The following DACH1 variants were observed in gnomAD, a reference collection of about 807,000 sequenced individuals.
The protein encoded by DACH1 is dachshund family transcription factor 1, also known as dachshund homolog 1.
DACH1 carries 12 observed loss-of-function variants against 54.2 expected under a neutral mutation model. The observed-to-expected ratio is 0.22, with a 90% CI of 0.14 to 0.36. The LOEUF (loss-of-function observed/expected upper bound fraction) is 0.36, where lower values mean the gene tolerates loss of function less well. Ranked by LOEUF, DACH1 falls within the 10% of genes least tolerant of loss-of-function variation. The probability of loss-of-function intolerance (pLI) is 1.00; values close to 1 mark genes in which losing one functional copy is unlikely to be tolerated. For missense variants in DACH1, 805 were observed against 929.8 expected, an observed-to-expected ratio of 0.87 and a Z score of 1.75; for synonymous variants, 386 against 366.2, an observed-to-expected ratio of 1.05 and a Z score of -0.62.
intron 1 of DACH1, among the ~76,000 whole-genome samples, chr13:71,787,613 A>AT (rs1442369354): frequency 6.6e-6 from 1 of 152,150 alleles, no homozygotes; most frequent in Admixed American, 6.6e-5. Context: ...GTAATCAGTC[A>AT]TAAAAACAGC....
At chr13:71,677,838 G>A (rs138589448) in intron 2 of DACH1, among the ~76,000 whole-genome samples, 2 of 152,138 alleles carry the variant, frequency 1.3e-5, no homozygotes, top group Non-Finnish European at 2.9e-5. Flanking sequence ...TCCTGCCTCA[G>A]CATCCCAAAT....
chr13:71,816,581 CGTATATATATACACACATATGT>C (rs1566519190), intron 1 of DACH1, among the ~76,000 whole-genome samples: 14 of 122,744 alleles, frequency 1.1e-4, no homozygotes, highest in South Asian at 2.7e-4. Context: ...TATATATACA[CGTATATATATACACACATATGT>C]GTGTATATAT....
At chr13:71,501,947 T>G (rs1879952484) in intron 6 of DACH1, among the ~76,000 whole-genome samples, 1 of 152,128 alleles carries the variant, frequency 6.6e-6, no homozygotes, top group East Asian at 1.9e-4. Context: ...AACTTGCCAA[T>G]GTAACTCAAC....
chr13:71,472,371 C>T (rs1453200611), intron 10 of DACH1, among the ~76,000 whole-genome samples: 1 of 152,106 alleles, frequency 6.6e-6, no homozygotes, highest in Non-Finnish European at 1.5e-5. Context: ...ATACAAAATG[C>T]CAATGAGGCA....
chr13:71,816,686 A>G (rs1887968767), intron 1 of DACH1, among the ~76,000 whole-genome samples: 1 of 144,108 alleles, frequency 6.9e-6, no homozygotes. Flanking sequence ...ACATATATAT[A>G]TACACATATA....
chr13:71,706,202 T>G (rs1263387693), intron 1 of DACH1, among the ~76,000 whole-genome samples: 1 of 151,864 alleles, frequency 6.6e-6, no homozygotes, highest in Non-Finnish European at 1.5e-5. Context: ...ACAACTTCCT[T>G]GATTTTCTAT....
At chr13:71,565,490 C>T (rs1453395598) in intron 4 of DACH1, among the ~76,000 whole-genome samples, 1 of 152,030 alleles carries the variant, frequency 6.6e-6, no homozygotes, top group African/African-American at 2.4e-5. Context: ...GTTCAAATTC[C>T]TTTGCTTTGG....
At chr13:71,648,577 A>C (rs1193803799) in intron 2 of DACH1, among the ~76,000 whole-genome samples, 2 of 152,210 alleles carry the variant, frequency 1.3e-5, no homozygotes, top group Non-Finnish European at 2.9e-5. Flanking sequence ...AATAGCAGGC[A>C]TATGGTATAG....
intron 1 of DACH1, among the ~76,000 whole-genome samples, chr13:71,858,909 C>A (rs1874177138): frequency 6.6e-6 from 1 of 151,664 alleles, no homozygotes. Flanking sequence ...CTCTCTCTCT[C>A]TCTCTCTGTA....
At chr13:71,581,561 T>A (rs1872855167) in intron 3 of DACH1, among the ~76,000 whole-genome samples, 1 of 152,196 alleles carries the variant, frequency 6.6e-6, no homozygotes, top group South Asian at 2.1e-4. Flanking sequence ...GCCCTAATTA[T>A]TATTCTTAAC....
At chr13:71,500,953 T>A (rs1566299970) in intron 6 of DACH1, among the ~76,000 whole-genome samples, 1 of 151,714 alleles carries the variant, frequency 6.6e-6, no homozygotes, top group Non-Finnish European at 1.5e-5. Context: ...CCCCTTTATC[T>A]TAACTTAAGC....
At chr13:71,782,884 C>G (rs938707575) in intron 1 of DACH1, among the ~76,000 whole-genome samples, 8 of 152,050 alleles carry the variant, frequency 5.3e-5, no homozygotes, top group Non-Finnish European at 1.2e-4. Context: ...ATTATTTTAT[C>G]TAATTTCTTC....
intron 6 of DACH1, among the ~76,000 whole-genome samples, chr13:71,545,579 G>C (rs1166843275): frequency 6.6e-6 from 1 of 151,194 alleles, no homozygotes; most frequent in African/African-American, 2.4e-5. Flanking sequence ...AGGAAGGAAG[G>C]AAGGGAGGGA....
chr13:71,677,870 C>T (rs1344090353), intron 2 of DACH1, among the ~76,000 whole-genome samples: 1 of 152,092 alleles, frequency 6.6e-6, no homozygotes, highest in Non-Finnish European at 1.5e-5. Flanking sequence ...CAGGCGCCCA[C>T]CACCATGTCC....
At position 71,498,853 on chromosome 13, in the gene DACH1, CTT is replaced by C. The variant is rs534862746; in HGVS notation, c.1571-9707_1571-9706del. Among the ~76,000 whole-genome samples, 181 of 152,148 alleles carry C rather than the reference CTT, an allele frequency of 1.2e-3. No individual in the cohort carries two copies. The South Asian group carries it at 0.012, about 10-fold the overall frequency. Reference sequence around the variant, plus strand: ...TCTATTATTATGCTCAAAAAAGAATCTTTAGTTTCTGGCTATTCTGTATCTGT... The same window carrying C: ...TCTATTATTATGCTCAAAAAAGAATCTAGTTTCTGGCTATTCTGTATCTGT... On this transcript the variant is annotated intron_variant, in intron 6 of 10. Coordinates refer to ENST00000613252, the MANE Select transcript of DACH1 (RefSeq NM_080759.6).
intron 6 of DACH1, among the ~76,000 whole-genome samples, chr13:71,513,133 G>T (rs1016239884): frequency 1.3e-5 from 2 of 151,872 alleles, no homozygotes; most frequent in Non-Finnish European, 2.9e-5. Context: ...AGACTCATTT[G>T]TTATTAGCAG....
At chr13:71,447,722 A>G (rs1298183576) in intron 10 of DACH1, among the ~76,000 whole-genome samples, 1 of 151,470 alleles carries the variant, frequency 6.6e-6, no homozygotes, top group Non-Finnish European at 1.5e-5. Flanking sequence ...AGTCCCAGCT[A>G]CTTGGGAGGC....
At chr13:71,764,759 A>G (rs946955983) in intron 1 of DACH1, among the ~76,000 whole-genome samples, 1 of 152,250 alleles carries the variant, frequency 6.6e-6, no homozygotes, top group Non-Finnish European at 1.5e-5. Flanking sequence ...AGGTATGCCA[A>G]TGTGGTAAAT....
At chr13:71,650,167 A>T (rs1255403369) in intron 2 of DACH1, among the ~76,000 whole-genome samples, 1 of 152,202 alleles carries the variant, frequency 6.6e-6, no homozygotes, top group African/African-American at 2.4e-5. Context: ...AGATTCAAAT[A>T]ACTAATAATA....
Sources: gnomAD v4.1 joint callset for allele counts (sites outside exome capture counted in the v4.1 genomes callset) on GRCh38, gnomAD v4.1.1 for gene constraint, MANE v1.5 for transcripts, NCBI Gene and HGNC (gene_info 2026-07-23, HGNC 2026-07-21) for gene names.